The following PCDHGA2 variants were observed in gnomAD, a reference collection of about 807,000 sequenced individuals.
PCDHGA2 encodes the protein protocadherin gamma subfamily A, 2, also known as protocadherin gamma-A2.
Under a neutral mutation model 59.2 loss-of-function variants are expected in PCDHGA2, and 40 were observed. The ratio of observed to expected loss-of-function variants is 0.68; its 90% CI spans 0.52 to 0.88. The LOEUF is 0.88. Among genes scored for constraint, PCDHGA2 ranks in the 40% least tolerant of loss-of-function variants. The probability of loss-of-function intolerance (pLI) is 0.00; values close to 1 mark genes in which losing one functional copy is unlikely to be tolerated. For missense variants in PCDHGA2, 1,226 were observed against 1,204.0 expected, an observed-to-expected ratio of 1.02 and a Z score of -0.27; for synonymous variants, 560 against 526.0, an observed-to-expected ratio of 1.06 and a Z score of -0.89.
chr5:141,415,603 T>C, intron 1 of PCDHGA2: 6 of 1,613,954 alleles, frequency 3.7e-6, no homozygotes, highest in Non-Finnish European at 5.1e-6. Flanking sequence ...GGATACCCCA[T>C]TGGTTCCAGT....
intron 1 of PCDHGA2, chr5:141,350,286 T>C (rs1758439533): frequency 1.3e-6 from 2 of 1,510,806 alleles, no homozygotes; most frequent in Middle Eastern, 1.8e-4. Flanking sequence ...GAAGCCGAAA[T>C]GATGAAAAGT....
intron 1 of PCDHGA2, among the ~76,000 whole-genome samples, chr5:141,446,777 CT>C (rs1480571336): frequency 6.6e-6 from 1 of 152,072 alleles, no homozygotes; most frequent in South Asian, 2.1e-4. Context: ...GGTTACCATT[CT>C]TTTACTCTGA....
chr5:141,351,224 G>A, intron 1 of PCDHGA2: 1 of 1,614,036 alleles, frequency 6.2e-7, no homozygotes, highest in East Asian at 2.2e-5. Context: ...GGATGGAGGA[G>A]TACACACAGC....
chr5:141,390,518 T>C (rs1045172175), intron 1 of PCDHGA2: 28 of 570,804 alleles, frequency 4.9e-5, no homozygotes, highest in Middle Eastern at 4.8e-4. Context: ...TATAAAGCAA[T>C]GAGGGTGTGG....
Position 141,340,766 on chromosome 5 carries a change from G to T in PCDHGA2, c.1795G>T (p.Gly599Cys). The change falls in exon 1 of 4, where the codon GGC becomes TGC. Residue 599 changes from glycine (G) to cysteine (C), a missense_variant. Gly to Cys is a radical substitution (Grantham distance 159, BLOSUM62 -3). Transcript: ENST00000394576. ...GGTGGTGGCGGTGGACAGAGACTCG[G>T]GCCAGAACGCCTGGCTGTCTTACCA... is the stretch of plus-strand genomic sequence containing the variant. ...TKVVAVDRDS[G>C]QNAWLSYHLL... The T allele has an allele frequency of 6.2e-7, 1 of 1,613,866 alleles. No individual in the cohort carries two copies. Among genetic ancestry groups the T allele is most frequent in the South Asian group, 1.1e-5 (1 of 91,048 alleles).
intron 1 of PCDHGA2, among the ~76,000 whole-genome samples, chr5:141,349,451 CATGT>C (rs1758296704): frequency 6.6e-6 from 1 of 152,086 alleles, no homozygotes; most frequent in Non-Finnish European, 1.5e-5. Flanking sequence ...TTCATAAAAG[CATGT>C]ATGTGTACCC....
chr5:141,400,717 G>C (rs2094065619), intron 1 of PCDHGA2: 1 of 672,320 alleles, frequency 1.5e-6, no homozygotes. Context: ...TAGCCTTATA[G>C]ATTTACAAAG....
Position 141,491,287 on chromosome 5 carries a change from C to T in PCDHGA2, c.2425-3520C>T, listed in dbSNP as rs1562145447. 2 of 1,614,030 alleles carry T rather than the reference C, an allele frequency of 1.2e-6. No homozygotes were observed. Among genetic ancestry groups the T allele is most frequent in the Admixed American group, 1.7e-5 (1 of 60,032 alleles). On this transcript the variant is annotated intron_variant, in intron 1 of 3. Coordinates refer to ENST00000394576, the MANE Select transcript of PCDHGA2 (RefSeq NM_018915.4). The surrounding 1 kb of genome is among the most constrained non-coding windows in gnomAD (Gnocchi z 6.9). ...GCCCAAATCCAGTGACTTCCTCATA[C>T]ACCCTCCTGAGCGTTCAGACCTTAC... is the stretch of plus-strand genomic sequence containing the variant.
At chr5:141,399,847 G>T (rs746731144) in intron 1 of PCDHGA2, 19 of 1,612,874 alleles carry the variant, frequency 1.2e-5, no homozygotes, top group Middle Eastern at 1.7e-4. Flanking sequence ...CTTCGATATG[G>T]TGCCGCGCGC....
chr5:141,477,737 G>T lies in PCDHGA2; in HGVS notation c.2425-17070G>T, dbSNP rs1178108717. 1.2e-6 allele frequency: 2 copies of T among 1,613,846 alleles called. No homozygotes were observed. Among genetic ancestry groups the T allele is most frequent in the South Asian group, 1.1e-5 (1 of 91,088 alleles). ...ATTTGAATTAACAGCTCATATCAGC[G>T]ATGGGGGCACCCCGGTCCTAGCCAC... On this transcript the variant is annotated intron_variant, in intron 1 of 3. Coordinates refer to ENST00000394576, the MANE Select transcript of PCDHGA2 (RefSeq NM_018915.4). This position sits in a 1 kb window ranked among gnomAD's most constrained non-coding sequence, Gnocchi z 4.9.
chr5:141,438,065 C>T (rs1385128405), intron 1 of PCDHGA2, among the ~76,000 whole-genome samples: 1 of 151,996 alleles, frequency 6.6e-6, no homozygotes, highest in Non-Finnish European at 1.5e-5. Flanking sequence ...TTTAAGAAAC[C>T]ATACTTAATG....
Position 141,485,856 on chromosome 5 carries a change from T to C in PCDHGA2, c.2425-8951T>C. ...CCGCCGAGATCTGGCACCGCAGAGC[T>C]CCGGGTATCCGTGCTGGACGTAAAC... is the stretch of plus-strand genomic sequence containing the variant. On this transcript the variant is annotated intron_variant, in intron 1 of 3. Coordinates refer to ENST00000394576, the MANE Select transcript of PCDHGA2 (RefSeq NM_018915.4). The surrounding 1 kb of genome is among the most constrained non-coding windows in gnomAD (Gnocchi z 5.7). 1 of 1,614,108 alleles carries C rather than the reference T, an allele frequency of 6.2e-7. No individual in the cohort carries two copies. The highest frequency in any genetic ancestry group is 8.5e-7 in the Non-Finnish European group (1 of 1,180,014).
chr5:141,431,189 G>A lies in PCDHGA2; in HGVS notation c.2425-63618G>A. 2 of 1,614,208 alleles carry A rather than the reference G, an allele frequency of 1.2e-6. No homozygotes were observed. The highest frequency in any genetic ancestry group is 1.7e-6 in the Non-Finnish European group (2 of 1,180,036). On this transcript the variant is annotated intron_variant, in intron 1 of 3. Transcript: ENST00000394576. This position sits in a 1 kb window ranked among gnomAD's most constrained non-coding sequence, Gnocchi z 4.8. ...AAGTGAATTAGAAATAAAAATTAGT[G>A]AAAATGCAGCCACTGAGATGCGGTT...
chr5:141,408,071 T>C, intron 1 of PCDHGA2: 4 of 1,384,774 alleles, frequency 2.9e-6, no homozygotes, highest in Non-Finnish European at 2.9e-6. Context: ...GCGCAGACCT[T>C]TCCCAGCACA....
chr5:141,365,353 T>C lies in PCDHGA2; in HGVS notation c.2424+23958T>C, dbSNP rs565922694. On this transcript the variant is annotated intron_variant, in intron 1 of 3. Coordinates refer to ENST00000394576, the MANE Select transcript of PCDHGA2 (RefSeq NM_018915.4). ...TGGTGGTCACAGTACAGGACGTGAA[T>C]GACAATGCCCCCGAAGTGATCCTCA... 7.4e-6 allele frequency: 12 copies of C among 1,613,980 alleles called. No individual in the cohort carries two copies. In the African/African-American group the frequency reaches 1.3e-4, roughly 18 times the overall value.
At chr5:141,436,439 A>G (rs1481744238) in intron 1 of PCDHGA2, among the ~76,000 whole-genome samples, 5 of 152,208 alleles carry the variant, frequency 3.3e-5, no homozygotes, top group African/African-American at 1.2e-4. Flanking sequence ...TCTGGGGATT[A>G]CCTGATACCA....
intron 1 of PCDHGA2, chr5:141,362,311 T>C (rs375210721): frequency 2.2e-5 from 35 of 1,613,970 alleles, no homozygotes; most frequent in Non-Finnish European, 2.8e-5. Context: ...TGCTTGGGAC[T>C]GTTTTCAGCC....
At chr5:141,411,059 C>T (rs1384816111) in intron 1 of PCDHGA2, 1 of 156,328 alleles carries the variant, frequency 6.4e-6, no homozygotes, top group African/African-American at 2.4e-5. Context: ...ACTATGTCGA[C>T]CAGGCTGTTC....
chr5:141,423,874 A>G (rs1264795133), intron 1 of PCDHGA2: 2 of 1,283,268 alleles, frequency 1.6e-6, no homozygotes, highest in East Asian at 3.1e-5. Context: ...GTCATTTTTC[A>G]ATCTTGGCAT....
Sources: gnomAD v4.1 joint callset for allele counts (sites outside exome capture counted in the v4.1 genomes callset) on GRCh38, gnomAD v4.1.1 for gene constraint, Gnocchi (gnomAD v3.1) non-coding constraint, MANE v1.5 for transcripts, NCBI Gene and HGNC (gene_info 2026-07-23, HGNC 2026-07-21) for gene names.